PLA2G15: variants seen among roughly 807,000 people sequenced by gnomAD.
PLA2G15 encodes the protein lysosomal phospholipase A and acyltransferase.
In PLA2G15, 20 loss-of-function variants were observed where a neutral mutation model predicts 40.9. The ratio of observed to expected loss-of-function variants is 0.49; its 90% CI spans 0.34 to 0.71. The LOEUF (loss-of-function observed/expected upper bound fraction) is 0.71. Ranked by LOEUF, PLA2G15 falls within the 30% of genes least tolerant of loss-of-function variation. PLA2G15 has a pLI of 0.01. For synonymous variants in PLA2G15, 223 were observed against 228.2 expected (o/e 0.98, Z 0.21); for missense variants, 471 against 541.9 (o/e 0.87, Z 1.30).
chr16:68,259,269 A>G lies in PLA2G15; in HGVS notation c.851A>G (p.Gln284Arg), dbSNP rs150914625. 1.6e-4 allele frequency: 258 copies of G among 1,614,020 alleles called. No homozygotes were observed. In the African/African-American group the frequency reaches 2.9e-3, roughly 18 times the overall value. The change falls in exon 6 of 6, where the codon CAG (glutamine) becomes CGG (arginine). Residue 284 changes from glutamine (Q) to arginine (R), a missense_variant. By Grantham distance (43) the Gln-to-Arg change is conservative (BLOSUM62 1). Transcript: ENST00000219345. This position sits in a 1 kb window ranked among gnomAD's most constrained non-coding sequence, Gnocchi z 6.5. ...TGGTCACCTGAGAAGGTGTTCGTGCAGACACCCACAATCAACTACACACTG... is the reference window on the plus strand; with the variant it reads ...TGGTCACCTGAGAAGGTGTTCGTGCGGACACCCACAATCAACTACACACTG... The part of the protein sequence containing the change: ...YTWSPEKVFV[Q>R]TPTINYTLRD...
intron 2 of PLA2G15, among the ~76,000 whole-genome samples, chr16:68,250,588 C>T (rs1567572283): frequency 1.3e-5 from 2 of 151,806 alleles, no homozygotes; most frequent in Admixed American, 6.6e-5. Flanking sequence ...CTCTTTAAAA[C>T]ATGACCCTAG....
At position 68,255,911 on chromosome 16, in the gene PLA2G15, G is replaced by T; in HGVS notation, c.648G>T (p.Lys216Asn). The change falls in exon 5 of 6, where the codon AAG becomes AAT. Residue 216 changes from lysine to asparagine, a missense_variant. Transcript: ENST00000219345. The surrounding 1 kb of genome is among the most constrained non-coding windows in gnomAD (Gnocchi z 5.9). ...YFLQRQPQAW[K>N]DKYIRAFVSL... ...TGCAGCGGCAGCCGCAGGCCTGGAA[G>T]GACAAGTATATCCGGGCCTTCGTGT... is the stretch of plus-strand genomic sequence containing the variant. The T allele has an allele frequency of 6.2e-7, 1 of 1,613,696 alleles. No individual in the cohort carries two copies. Among genetic ancestry groups the T allele is most frequent in the South Asian group, 1.1e-5 (1 of 91,072 alleles).
At chr16:68,249,514 T>G in intron 2 of PLA2G15, 68 bp downstream of exon 2, 1 of 1,439,944 alleles carries the variant, frequency 6.9e-7, no homozygotes, top group Non-Finnish European at 9.7e-7. Flanking sequence ...CCAGAGTCTG[T>G]TCCTTCTATC....
At chr16:68,247,500 C>T (rs2042319078) in intron 1 of PLA2G15, among the ~76,000 whole-genome samples, 1 of 152,196 alleles carries the variant, frequency 6.6e-6, no homozygotes, top group Admixed American at 6.5e-5. Context: ...GGCCACACAG[C>T]CTGACCAGGG....
rs964396453 is a variant in PLA2G15 at position 68,259,836 on chromosome 16, A to G, written c.*179A>G. The G allele has an allele frequency of 1.4e-5, 9 of 626,542 alleles. No homozygotes were observed. In the African/African-American group the frequency reaches 1.7e-4, roughly 12 times the overall value. The allele number at this position is 626,542 out of a possible 1,614,324, so 38.8% of individuals were successfully genotyped here. A position where few individuals can be genotyped will look rare whatever the true frequency, so the allele number is the denominator to read the frequency against. On this transcript the variant is annotated 3_prime_UTR_variant, in exon 6 of 6. Coordinates refer to ENST00000219345, the MANE Select transcript of PLA2G15 (RefSeq NM_012320.4). This position sits in a 1 kb window ranked among gnomAD's most constrained non-coding sequence, Gnocchi z 6.5. ...TTATCCTTTCTCTGTGGCAGTGAAGAAGGAAGAAATGAGAGTCTAGACTCA... is the reference window on the plus strand; with the variant it reads ...TTATCCTTTCTCTGTGGCAGTGAAGGAGGAAGAAATGAGAGTCTAGACTCA...
In PLA2G15 at chr16:68,255,627, G is replaced by C; in HGVS notation, c.503-139G>C. On this transcript the variant is annotated intron_variant, in intron 4 of 5. Transcript: ENST00000219345. The surrounding 1 kb of genome is among the most constrained non-coding windows in gnomAD (Gnocchi z 5.9). ...ATAAGGCTTCCTCCCTTCATGGAAGGCGGGGGGACCCAGACCGCTCTGTTT... is the reference window on the plus strand; with the variant it reads ...ATAAGGCTTCCTCCCTTCATGGAAGCCGGGGGGACCCAGACCGCTCTGTTT... 1.4e-6 allele frequency: 1 copy of C among 706,950 alleles called. No individual in the cohort carries two copies. Among genetic ancestry groups the C allele is most frequent in the Non-Finnish European group, 2.4e-6 (1 of 410,700 alleles). The allele number at this position is 706,950 out of a possible 1,614,324, so 43.8% of individuals were successfully genotyped here. A position where few individuals can be genotyped will look rare whatever the true frequency, so the allele number is the denominator to read the frequency against.
rs58831503 is a variant in PLA2G15, at chr16:68,253,691, G to GTT, written c.285-1213_285-1212dup. 6.2e-4 allele frequency among the ~76,000 whole-genome samples: 77 copies of GTT among 124,912 alleles called. 1 individual carries two copies. Among genetic ancestry groups the GTT allele is most frequent in the African/African-American group, 1.7e-3 (56 of 32,916 alleles). The allele number at this position is 124,912 out of a possible 152,430, so 81.9% of individuals were successfully genotyped here. ...TGCCTGGCCTAGTGTGTTTTGTTTT[G>GTT]TTTTTTTTTTTTTTTTGAGACAGGG... On this transcript the variant is annotated intron_variant, in intron 2 of 5. Coordinates refer to ENST00000219345, the MANE Select transcript of PLA2G15 (RefSeq NM_012320.4).
At chr16:68,256,217 CAGGT>C (rs2042400785) in intron 5 of PLA2G15, 1 of 493,664 alleles carries the variant, frequency 2.0e-6, no homozygotes. Flanking sequence ...ATCTGTGTCT[CAGGT>C]GGGGGCAAGA....
Position 68,245,473 on chromosome 16 carries a change from G to T in PLA2G15, c.47G>T (p.Gly16Val). Residue 16 changes from glycine to valine, a missense_variant, in exon 1 of 6, where the codon GGC (glycine) becomes GTC (valine). Coordinates refer to ENST00000219345, the MANE Select transcript of PLA2G15 (RefSeq NM_012320.4). ...RPYRVGLLPDGLLFLLLLLML... is the reference protein window; with the variant it reads ...RPYRVGLLPDVLLFLLLLLML... ...TACCGTGTGGGGCTGCTCCCGGATG[G>T]CCTCCTGTTCCTCTTGCTGCTGCTA... 1 of 1,606,630 alleles carries T rather than the reference G, an allele frequency of 6.2e-7. No individual in the cohort carries two copies.
chr16:68,254,199 C>T (rs574334206), intron 2 of PLA2G15, among the ~76,000 whole-genome samples: 18 of 152,042 alleles, frequency 1.2e-4, no homozygotes, highest in African/African-American at 3.1e-4. Context: ...AGTAGGGTCA[C>T]GGGGGAGAGG....
intron 5 of PLA2G15, among the ~76,000 whole-genome samples, chr16:68,257,018 C>A (rs927518615): frequency 6.6e-6 from 1 of 151,726 alleles, no homozygotes; most frequent in Non-Finnish European, 1.5e-5. Flanking sequence ...GTAACTGGGA[C>A]TACAGGCGCG....
At chr16:68,252,692 G>A in intron 2 of PLA2G15, 1 of 443,334 alleles carries the variant, frequency 2.3e-6, no homozygotes, top group Non-Finnish European at 4.6e-6. Context: ...AATAGGCTGG[G>A]TGCAGTGGCT....
In PLA2G15 at chr16:68,255,716, C is replaced by G. The variant is rs754036016; in HGVS notation, c.503-50C>G. The G allele has an allele frequency of 1.2e-5, 18 of 1,488,946 alleles. No homozygotes were observed. The highest frequency in any genetic ancestry group is 1.7e-5 in the Non-Finnish European group (18 of 1,066,968). The allele number at this position is 1,488,946 out of a possible 1,614,324, so 92.2% of individuals were successfully genotyped here. ...CTGGCCTGAGAAAAGCTCAGTGGTT[C>G]CGGCTCCAGGACCCTTCCCACCTGA... is the stretch of plus-strand genomic sequence containing the variant. On this transcript the variant is annotated intron_variant, in intron 4 of 5. Transcript: ENST00000219345. This position sits in a 1 kb window ranked among gnomAD's most constrained non-coding sequence, Gnocchi z 5.9.
chr16:68,249,473 G>C (rs780702311), intron 2 of PLA2G15, 27 bp downstream of exon 2: 12 of 1,610,454 alleles, frequency 7.5e-6, no homozygotes, highest in South Asian at 5.5e-5. Context: ...ACAGAGGGGG[G>C]TGCTGCTCAC....
chr16:68,252,415 AG>A (rs1359101974), intron 2 of PLA2G15: 1 of 347,812 alleles, frequency 2.9e-6, no homozygotes, highest in African/African-American at 2.1e-5. Flanking sequence ...GGCCAGAGCA[AG>A]GTTCCCAGCC....
intron 5 of PLA2G15, among the ~76,000 whole-genome samples, chr16:68,257,385 T>C (rs1451006708): frequency 1.3e-5 from 2 of 152,206 alleles, no homozygotes; most frequent in Non-Finnish European, 2.9e-5. Context: ...ACGGAGCCTC[T>C]GTAGGCAACA....
intron 1 of PLA2G15, among the ~76,000 whole-genome samples, chr16:68,249,021 C>T (rs2042332788): frequency 6.6e-6 from 1 of 152,186 alleles, no homozygotes; most frequent in Admixed American, 6.5e-5. Context: ...CCAAACATGT[C>T]AGGCCTCTCC....
intron 2 of PLA2G15, among the ~76,000 whole-genome samples, chr16:68,251,401 G>T (rs753310340): frequency 6.6e-6 from 1 of 152,142 alleles, no homozygotes; most frequent in Non-Finnish European, 1.5e-5. Context: ...GTTTTTCCTG[G>T]TCGGGTGCGG....
At chr16:68,248,861 A>G (rs2042331716) in intron 1 of PLA2G15, among the ~76,000 whole-genome samples, 2 of 152,176 alleles carry the variant, frequency 1.3e-5, no homozygotes, top group African/African-American at 4.8e-5. Flanking sequence ...CCAAGATCTC[A>G]TTTAACAGAT....
Sources: gnomAD v4.1 joint callset for allele counts (sites outside exome capture counted in the v4.1 genomes callset) on GRCh38, gnomAD v4.1.1 for gene constraint, Gnocchi (gnomAD v3.1) non-coding constraint, MANE v1.5 for transcripts, NCBI Gene and HGNC (gene_info 2026-07-23, HGNC 2026-07-21) for gene names.